Variants in USP34 observed in about 807,000 individuals in gnomAD.
USP34 encodes the protein ubiquitin specific peptidase 34.
A neutral mutation model predicts 460.3 loss-of-function variants in USP34; 70 were observed. The ratio of observed to expected loss-of-function variants is 0.15; its 90% CI spans 0.13 to 0.19. USP34 has a LOEUF of 0.19. Among genes scored for constraint, USP34 ranks in the 10% least tolerant of loss-of-function variants. The pLI is 1.00. For synonymous variants in USP34, 1,647 were observed against 1,405.3 expected (o/e 1.17, Z -3.85); for missense variants, 3,985 against 4,236.2 (o/e 0.94, Z 1.65).
intron 15 of USP34, among the ~76,000 whole-genome samples, chr2:61,347,352 A>T (rs946058312): frequency 6.6e-6 from 1 of 152,110 alleles, no homozygotes; most frequent in African/African-American, 2.4e-5. Context: ...CATGATTAAA[A>T]TTAACAACCT....
chr2:61,399,216 G>T (rs550858661), intron 3 of USP34, among the ~76,000 whole-genome samples: 1 of 152,000 alleles, frequency 6.6e-6, no homozygotes, highest in African/African-American at 2.4e-5. Context: ...ACGCATGCCT[G>T]TAATCCCAGC....
intron 23 of USP34, among the ~76,000 whole-genome samples, chr2:61,315,501 G>C (rs998454517): frequency 1.3e-5 from 2 of 151,878 alleles, no homozygotes; most frequent in African/African-American, 4.8e-5. Context: ...AGCCTCCTAA[G>C]TAGCTGGGAT....
chr2:61,336,350 C>T (rs1309067653), intron 18 of USP34, among the ~76,000 whole-genome samples: 1 of 152,006 alleles, frequency 6.6e-6, no homozygotes, highest in African/African-American at 2.4e-5. Flanking sequence ...TGGTCTCAAA[C>T]TACTGGGCTC....
chr2:61,304,536 T>G (rs1442259286), intron 27 of USP34, among the ~76,000 whole-genome samples: 1 of 152,208 alleles, frequency 6.6e-6, no homozygotes. Context: ...GAGTCCTCCA[T>G]CAATGGGAGT....
chr2:61,430,601 G>C lies in USP34; in HGVS notation c.44-9768C>G, dbSNP rs189404891. Reference sequence around the variant, plus strand: ...TGAATAAACACATACCCTTACAATAGACTAACCTTATTGTATGTAAATTAT... The same window carrying C: ...TGAATAAACACATACCCTTACAATACACTAACCTTATTGTATGTAAATTAT... On this transcript the variant is annotated intron_variant, in intron 1 of 79. Coordinates refer to ENST00000398571, the MANE Select transcript of USP34 (RefSeq NM_014709.4). 4.6e-5 allele frequency among the ~76,000 whole-genome samples: 7 copies of C among 152,226 alleles called. No individual in the cohort carries two copies. The East Asian group carries it at 1.4e-3, about 29-fold the overall frequency.
At chr2:61,309,426 T>C (rs1381749294) in intron 27 of USP34, among the ~76,000 whole-genome samples, 7 of 152,128 alleles carry the variant, frequency 4.6e-5, no homozygotes, top group Admixed American at 3.9e-4. Flanking sequence ...TATCACACAA[T>C]CACTGCTGTG....
chr2:61,231,540 A>T (rs1224223448), intron 58 of USP34, among the ~76,000 whole-genome samples: 1 of 151,794 alleles, frequency 6.6e-6, no homozygotes, highest in East Asian at 1.9e-4. Context: ...GGGGAGAGAC[A>T]CTCTCTCTAC....
chr2:61,436,445 G>T (rs1694814026), intron 1 of USP34, among the ~76,000 whole-genome samples: 1 of 152,164 alleles, frequency 6.6e-6, no homozygotes, highest in Non-Finnish European at 1.5e-5. Context: ...CAAGCCAAAA[G>T]TTGTAAAAGG....
chr2:61,378,536 A>T, intron 7 of USP34, 112 bp from the exon 8 acceptor site: 1 of 587,648 alleles, frequency 1.7e-6, no homozygotes. Flanking sequence ...CAATAACTAG[A>T]TTAATATTAT....
intron 5 of USP34, among the ~76,000 whole-genome samples, chr2:61,387,822 TA>T (rs1220461182): frequency 2.0e-5 from 3 of 149,632 alleles, no homozygotes; most frequent in Non-Finnish European, 3.0e-5. Flanking sequence ...TACACACATG[TA>T]AAAATATATT....
intron 2 of USP34, among the ~76,000 whole-genome samples, chr2:61,412,113 C>T (rs1465818345): frequency 2.0e-5 from 3 of 148,684 alleles, no homozygotes; most frequent in Non-Finnish European, 3.0e-5. Flanking sequence ...CACTTGAACC[C>T]AGGAGGCAGA....
intron 76 of USP34, 177 bp from the exon 77 acceptor site, chr2:61,190,835 TTTTTCATACAGTAAAATGTTACTAA>T: frequency 1.5e-6 from 1 of 651,868 alleles, no homozygotes; most frequent in Non-Finnish European, 2.4e-6. Context: ...ACAGCAACTA[TTTTTCATACAGTAAAATGTTACTAA>T]TTTAGATTAA....
At position 61,223,229 on chromosome 2, in the gene USP34, A is replaced by T; in HGVS notation, c.7644+19T>A. 1 of 1,613,958 alleles carries T rather than the reference A, an allele frequency of 6.2e-7. No homozygotes were observed. The highest frequency in any genetic ancestry group is 8.5e-7 in the Non-Finnish European group (1 of 1,179,920). ...ATTTTTGTGATGATCAAATTGTCTAATATTAGAGAATGTACTACCTTTCCT... is the reference window on the plus strand; with the variant it reads ...ATTTTTGTGATGATCAAATTGTCTATTATTAGAGAATGTACTACCTTTCCT... On this transcript the variant is annotated intron_variant, in intron 63 of 79. Transcript: ENST00000398571.
intron 19 of USP34, 36 bp downstream of exon 19, chr2:61,333,846 C>T (rs1691341925): frequency 1.4e-6 from 2 of 1,380,796 alleles, no homozygotes; most frequent in Non-Finnish European, 9.7e-7. Flanking sequence ...AGAAAAAAAT[C>T]TTTAAAATAA....
At chr2:61,426,398 C>A (rs902687749) in intron 1 of USP34, among the ~76,000 whole-genome samples, 6 of 152,032 alleles carry the variant, frequency 3.9e-5, no homozygotes, top group Non-Finnish European at 5.9e-5. Flanking sequence ...GGTAACAGAG[C>A]GTTCATGACA....
intron 3 of USP34, among the ~76,000 whole-genome samples, chr2:61,398,537 CG>C (rs1693611793): frequency 1.3e-5 from 1 of 79,822 alleles, no homozygotes; most frequent in South Asian, 6.1e-4. Context: ...GGGAAGGAGG[CG>C]GAAGCGGGGG....
intron 71 of USP34, 32 bp downstream of exon 71, chr2:61,206,728 G>T (rs774167616): frequency 6.2e-7 from 1 of 1,607,220 alleles, no homozygotes; most frequent in South Asian, 1.1e-5. Context: ...CTAGTAGCAC[G>T]AACAAAACAT....
At chr2:61,308,341 A>C (rs1261452161) in intron 27 of USP34, among the ~76,000 whole-genome samples, 2 of 152,178 alleles carry the variant, frequency 1.3e-5, no homozygotes, top group African/African-American at 4.8e-5. Context: ...TTCAGAGAAA[A>C]AAGAGCTCTT....
intron 41 of USP34, among the ~76,000 whole-genome samples, chr2:61,272,127 C>G (rs1198344424): frequency 6.6e-6 from 1 of 152,114 alleles, no homozygotes; most frequent in Admixed American, 6.6e-5. Context: ...AGGAGTCATT[C>G]TTGGCCGGGC....
Sources: gnomAD v4.1 joint callset for allele counts (sites outside exome capture counted in the v4.1 genomes callset) on GRCh38, gnomAD v4.1.1 for gene constraint, MANE v1.5 for transcripts, NCBI Gene and HGNC (gene_info 2026-07-23, HGNC 2026-07-21) for gene names.